The following TRMT2B variants were observed in gnomAD, a reference collection of about 807,000 sequenced individuals.
The protein encoded by TRMT2B is tRNA (uracil-5-)-methyltransferase homolog B.
In TRMT2B, 34 loss-of-function variants were observed where a neutral mutation model predicts 39.7. That is an observed-to-expected ratio of 0.86 (90% CI 0.65 to 1.14). The LOEUF (loss-of-function observed/expected upper bound fraction) is 1.14. Among genes scored for constraint, TRMT2B ranks in the 50% most tolerant of loss-of-function variants. The probability of loss-of-function intolerance (pLI) is 0.00; values close to 1 mark genes in which losing one functional copy is unlikely to be tolerated. For missense variants in TRMT2B, 318 were observed against 377.2 expected (o/e 0.84, Z 1.30); for synonymous variants, 132 against 137.3 (o/e 0.96, Z 0.27).
the TRMT2B span, among the ~76,000 whole-genome samples, chrX:100,982,694 C>A: frequency 1.9e-4 from 19 of 100,663 alleles, no homozygotes; most frequent in Non-Finnish European, 2.6e-4. Context: ...GTCACCCCGA[C>A]TGGGGTGCAG....
the TRMT2B span, among the ~76,000 whole-genome samples, chrX:100,989,755 C>T: frequency 8.9e-6 from 1 of 112,268 alleles, no homozygotes. Flanking sequence ...CCAAGATTGT[C>T]AACTGTCAAT....
chrX:100,988,880 A>ATATATATC, the TRMT2B span, among the ~76,000 whole-genome samples: 1 of 91,825 alleles, frequency 1.1e-5, no homozygotes, highest in African/African-American at 4.0e-5. Context: ...ATATATATAT[A>ATATATATC]TCAAGAATTT....
the TRMT2B span, among the ~76,000 whole-genome samples, chrX:100,997,764 A>T: frequency 8.9e-6 from 1 of 112,403 alleles, no homozygotes; most frequent in Non-Finnish European, 1.9e-5. Flanking sequence ...AGCAACCAAC[A>T]TTATGAAGGT....
chrX:100,983,916 A>C, the TRMT2B span, among the ~76,000 whole-genome samples: 3 of 111,264 alleles, frequency 2.7e-5, no homozygotes, highest in Non-Finnish European at 3.8e-5. Flanking sequence ...ATGCTATGGA[A>C]AATGTCACAT....
At chrX:101,045,134 G>A (rs757990273) in intron 2 of TRMT2B, among the ~76,000 whole-genome samples, 16 of 109,602 alleles carry the variant, frequency 1.5e-4, no homozygotes, top group Admixed American at 1.4e-3. Context: ...ACAAGCCTGA[G>A]CAATATAGTG....
the TRMT2B span, chrX:100,986,702 G>A: frequency 7.7e-6 from 4 of 518,281 alleles, no homozygotes; most frequent in Non-Finnish European, 1.3e-5. Context: ...AGTAGAATTT[G>A]TTCTCCTCCT....
In TRMT2B at chrX:101,038,022, T is replaced by C; in HGVS notation, c.333A>G (p.Leu111=). Residue 111 remains leucine (L), a synonymous_variant, in exon 5 of 14, where the codon TTA becomes TTG. Coordinates refer to ENST00000372936, the MANE Select transcript of TRMT2B (RefSeq NM_024917.6). ...TTTGGATGTAAGACTCTAGTCTTTG[T>C]AAAATTTTCTTCTGAGCTGCAAATT... ...KVKFAAQKKI[L]QRLESYIQML... is the part of the protein sequence containing the mutation. 1 of 1,209,796 alleles carries C rather than the reference T, an allele frequency of 8.3e-7. No homozygotes were observed. Among genetic ancestry groups the C allele is most frequent in the Non-Finnish European group, 1.1e-6 (1 of 894,404 alleles).
the TRMT2B span, among the ~76,000 whole-genome samples, chrX:101,000,259 T>G: frequency 1.8e-5 from 2 of 109,206 alleles, no homozygotes; most frequent in African/African-American, 3.3e-5. Flanking sequence ...TAGCTAGGAC[T>G]ACAGGCGCCC....
the TRMT2B span, among the ~76,000 whole-genome samples, chrX:100,989,608 CA>C: frequency 3.2e-3 from 181 of 57,249 alleles, no homozygotes; most frequent in East Asian, 8.3e-3. Context: ...GACTCCATCT[CA>C]AAAAAAAAAA....
the TRMT2B span, chrX:100,990,219 AC>A: frequency 2.5e-6 from 1 of 396,965 alleles, no homozygotes; most frequent in Non-Finnish European, 3.2e-6. Context: ...TGCAGTCTAT[AC>A]CCTGTTGGAA....
At chrX:101,039,215 G>A (rs1338627663) in intron 4 of TRMT2B, among the ~76,000 whole-genome samples, 1 of 109,814 alleles carries the variant, frequency 9.1e-6, no homozygotes, top group Non-Finnish European at 1.9e-5. Context: ...GATTACAGGC[G>A]CATGCCACCA....
the TRMT2B span, among the ~76,000 whole-genome samples, chrX:101,000,507 C>T: frequency 9.0e-5 from 10 of 110,871 alleles, no homozygotes; most frequent in African/African-American, 3.3e-4. Context: ...GCCCTACTTT[C>T]TACCACACCC....
At position 101,020,963 on chromosome X, in the gene TRMT2B, T is replaced by A. The variant is rs1602545099; in HGVS notation, c.1066+138A>T. 9.6e-6 allele frequency: 5 copies of A among 521,489 alleles called. No homozygotes were observed. The East Asian group carries it at 1.8e-4, about 19-fold the overall frequency. 43.0% of individuals were successfully genotyped at this position (521,489 alleles called of 1,213,427 possible). A position where few individuals can be genotyped will look rare whatever the true frequency, so the allele number is the denominator to read the frequency against. On this transcript the variant is annotated intron_variant, in intron 10 of 13. Coordinates refer to ENST00000372936, the MANE Select transcript of TRMT2B (RefSeq NM_024917.6). ...GGATAACAGGCATAAGCAACCACAC[T>A]TGGCTGCAGTTGTAGGGTTTTAGAC...
At position 101,021,303 on chromosome X, in the gene TRMT2B, A is replaced by T. The variant is rs1205589578; in HGVS notation, c.864T>A (p.Arg288=). 2 of 1,207,192 alleles carry T rather than the reference A, an allele frequency of 1.7e-6. No homozygotes were observed. The highest frequency in any genetic ancestry group is 2.2e-6 in the Non-Finnish European group (2 of 893,205). The change falls in exon 10 of 14, where the codon CGT becomes CGA. Residue 288 remains arginine, a synonymous_variant. Coordinates refer to ENST00000372936, the MANE Select transcript of TRMT2B (RefSeq NM_024917.6). ...SLYFQESTMT[R]CSHQQSPYQL... is the part of the protein sequence containing the mutation. The stretch of plus-strand genomic sequence containing the variant: ...GATAGGGAGACTGCTGATGGCTGCA[A>T]CGGGTCATGGTACTGGAAAGGAATA...
rs1435677998 is a variant in TRMT2B at position 101,037,054 on chromosome X, C to T, written c.458G>A (p.Arg153Gln). The T allele has an allele frequency of 5.8e-6, 7 of 1,209,814 alleles. No individual in the cohort carries two copies. The highest frequency in any genetic ancestry group is 3.0e-5 in the East Asian group (1 of 33,837). ...GTTCACAGAGAAGGTGGACTTATTT[C>T]GGTAACCATTGATGACAGGCTGGAG... ...IIPSPVINGYRNKSTFSVNRG... is the reference protein window; with the variant it reads ...IIPSPVINGYQNKSTFSVNRG... The change falls in exon 6 of 14, where the codon CGA becomes CAA. Residue 153 changes from arginine to glutamine, a missense_variant. Arg to Gln is a conservative substitution (Grantham distance 43). Transcript: ENST00000372936.
At chrX:101,023,679 G>A (rs1215517354) in intron 7 of TRMT2B, 63 bp from the exon 8 acceptor site, 1 of 1,096,319 alleles carries the variant, frequency 9.1e-7, no homozygotes, top group Non-Finnish European at 1.2e-6. Flanking sequence ...GTTTACTCAT[G>A]CTAGGTGATT....
chrX:100,986,844 T>C, the TRMT2B span: 1 of 1,207,564 alleles, frequency 8.3e-7, no homozygotes, highest in Non-Finnish European at 1.1e-6. Flanking sequence ...CTTGTGATAT[T>C]ATTGACTATC....
intron 7 of TRMT2B, among the ~76,000 whole-genome samples, chrX:101,033,962 C>A (rs1205910083): frequency 9.1e-6 from 1 of 109,454 alleles, no homozygotes; most frequent in Non-Finnish European, 1.9e-5. Flanking sequence ...CCTGCCTCAA[C>A]CTCCCAAGTA....
chrX:100,994,142 T>G, the TRMT2B span, among the ~76,000 whole-genome samples: 2 of 111,398 alleles, frequency 1.8e-5, no homozygotes, highest in Admixed American at 9.5e-5. Context: ...GAATCTAGGG[T>G]AATTACAACC....
Sources: gnomAD v4.1 joint callset for allele counts (sites outside exome capture counted in the v4.1 genomes callset) on GRCh38, gnomAD v4.1.1 for gene constraint, MANE v1.5 for transcripts, NCBI Gene and HGNC (gene_info 2026-07-23, HGNC 2026-07-21) for gene names.